MPHOSPH6: variants seen among roughly 807,000 people sequenced by gnomAD.
The protein encoded by MPHOSPH6 is M-phase phosphoprotein 6.
Under a neutral mutation model 21.8 loss-of-function variants are expected in MPHOSPH6, and 25 were observed. The ratio of observed to expected loss-of-function variants is 1.15; its 90% CI spans 0.83 to 1.60. The LOEUF is 1.60. Among genes scored for constraint, MPHOSPH6 ranks in the 40% most tolerant of loss-of-function variants. The pLI is 0.00. For missense variants in MPHOSPH6, 269 were observed against 181.8 expected (o/e 1.48, Z -2.76); for synonymous variants, 84 against 56.5 (o/e 1.49, Z -2.18).
intron 2 of MPHOSPH6, among the ~76,000 whole-genome samples, chr16:82,152,596 C>A (rs992861423): frequency 1.3e-5 from 2 of 152,150 alleles, no homozygotes; most frequent in African/African-American, 4.8e-5. Context: ...GCAGAAATAA[C>A]GGTCGCTAGG....
At chr16:82,153,809 G>A (rs1244087131) in intron 2 of MPHOSPH6, among the ~76,000 whole-genome samples, 3 of 152,138 alleles carry the variant, frequency 2.0e-5, no homozygotes, top group Admixed American at 2.0e-4. Context: ...CAAAATTGGT[G>A]GCTTAGAGCA....
chr16:82,153,042 G>A (rs1254738057), intron 2 of MPHOSPH6, among the ~76,000 whole-genome samples: 1 of 152,094 alleles, frequency 6.6e-6, no homozygotes, highest in African/African-American at 2.4e-5. Flanking sequence ...CAGGAGAACT[G>A]CTCGCATCCC....
chr16:82,162,273 G>C (rs774787287), intron 2 of MPHOSPH6: 1 of 152,250 alleles, frequency 6.6e-6, no homozygotes, highest in Non-Finnish European at 1.5e-5. Flanking sequence ...CCTGACTTCA[G>C]AGCCCATGTG....
At chr16:82,164,974 A>T (rs1328088747) in intron 1 of MPHOSPH6, 1 of 152,192 alleles carries the variant, frequency 6.6e-6, no homozygotes, top group Non-Finnish European at 1.5e-5. Flanking sequence ...TTAAGAGGCT[A>T]ACCACAGCAA....
At chr16:82,159,263 C>A (rs1007306331) in intron 2 of MPHOSPH6, among the ~76,000 whole-genome samples, 1 of 152,058 alleles carries the variant, frequency 6.6e-6, no homozygotes, top group South Asian at 2.1e-4. Flanking sequence ...CCACTCTTCT[C>A]GTTAAATTTT....
chr16:82,150,245 T>C (rs573073222), intron 3 of MPHOSPH6, among the ~76,000 whole-genome samples: 9 of 152,238 alleles, frequency 5.9e-5, no homozygotes, highest in African/African-American at 1.9e-4. Flanking sequence ...TCCTTTCCCA[T>C]TGCAGCAGAC....
chr16:82,155,378 G>T (rs779591936), intron 2 of MPHOSPH6, among the ~76,000 whole-genome samples: 3 of 151,706 alleles, frequency 2.0e-5, no homozygotes, highest in Non-Finnish European at 2.9e-5. Flanking sequence ...GTCTTTTTTT[G>T]CAGATGACAT....
intron 2 of MPHOSPH6, among the ~76,000 whole-genome samples, chr16:82,159,373 A>G (rs73591454): frequency 0.068 from 10,380 of 152,288 alleles, 656 homozygotes; most frequent in African/African-American, 0.16. Flanking sequence ...ATTAACAAAT[A>G]TAAATCACAC....
chr16:82,160,789 G>A (rs1229533664), intron 2 of MPHOSPH6, among the ~76,000 whole-genome samples: 1 of 152,040 alleles, frequency 6.6e-6, no homozygotes, highest in Non-Finnish European at 1.5e-5. Context: ...TGTTTCTGAT[G>A]GTGTTCAGGA....
chr16:82,150,213 T>C (rs1906220836), intron 3 of MPHOSPH6, among the ~76,000 whole-genome samples: 1 of 152,032 alleles, frequency 6.6e-6, no homozygotes, highest in Non-Finnish European at 1.5e-5. Flanking sequence ...CCCCCATCAA[T>C]TTCTGCGGGC....
At chr16:82,162,207 C>T (rs1036052605) in intron 2 of MPHOSPH6, 1 of 152,226 alleles carries the variant, frequency 6.6e-6, no homozygotes, top group African/African-American at 2.4e-5. Context: ...GGTTAAGTAA[C>T]TCACCCAAGG....
chr16:82,150,615 T>C (rs1194202531), intron 3 of MPHOSPH6, among the ~76,000 whole-genome samples: 2 of 152,240 alleles, frequency 1.3e-5, no homozygotes, highest in Non-Finnish European at 2.9e-5. Context: ...GAAACATTTT[T>C]GGTTGTCACA....
intron 1 of MPHOSPH6, among the ~76,000 whole-genome samples, chr16:82,165,471 GC>G (rs1906744098): frequency 6.6e-6 from 1 of 151,884 alleles, no homozygotes; most frequent in Non-Finnish European, 1.5e-5. Flanking sequence ...CCAAACATAA[GC>G]CTTTTTAGGC....
chr16:82,164,510 G>A (rs963078485), intron 1 of MPHOSPH6: 3 of 236,454 alleles, frequency 1.3e-5, no homozygotes, highest in African/African-American at 4.6e-5. Context: ...CTGATCTGGG[G>A]TTGAAATGCC....
chr16:82,151,479 C>A lies in MPHOSPH6; in HGVS notation c.200G>T (p.Cys67Phe). 1 of 1,605,102 alleles carries A rather than the reference C, an allele frequency of 6.2e-7. No individual in the cohort carries two copies. Among genetic ancestry groups the A allele is most frequent in the Non-Finnish European group, 8.5e-7 (1 of 1,176,312 alleles). The change falls in exon 3 of 5, where the codon TGT becomes TTT. Residue 67 changes from cysteine to phenylalanine, a missense_variant. Cys to Phe is a radical substitution (Grantham distance 205). Coordinates refer to ENST00000258169, the MANE Select transcript of MPHOSPH6 (RefSeq NM_005792.2). ...CATTCTTCCATAGAGAAGATCTTCA[C>A]ATAGTAAGAAACTCTGCTCTTCTAT... ...FIIEEQSFLL[C>F]EDLLYGRMSF...
chr16:82,162,518 A>T (rs1366165860), intron 2 of MPHOSPH6, among the ~76,000 whole-genome samples: 2 of 152,160 alleles, frequency 1.3e-5, no homozygotes, highest in Non-Finnish European at 2.9e-5. Flanking sequence ...GTACCCGTGA[A>T]TGGAGGTAGC....
rs575537884 is a variant in MPHOSPH6 at position 82,159,341 on chromosome 16, T to A, written c.164+4741A>T. 3.1e-3 allele frequency among the ~76,000 whole-genome samples: 466 copies of A among 152,350 alleles called. 2 individuals are homozygous for A. The highest frequency in any genetic ancestry group is 0.011 in the African/African-American group (444 of 41,582). On this transcript the variant is annotated intron_variant, in intron 2 of 4. Transcript: ENST00000258169. ...ATGAATTTGTTATTTAAATAATTTT[T>A]AAAATTTCTTACATAGTAAATATTA...
chr16:82,151,975 C>T (rs16956572), intron 2 of MPHOSPH6, among the ~76,000 whole-genome samples: 21,385 of 152,158 alleles, frequency 0.14, 2,207 homozygotes, highest in Admixed American at 0.34. Context: ...GTCTTTCGTT[C>T]TCAGGGATTT....
intron 1 of MPHOSPH6, chr16:82,164,802 CTCT>C (rs1416421496): frequency 2.0e-5 from 3 of 152,254 alleles, no homozygotes; most frequent in Non-Finnish European, 4.4e-5. Flanking sequence ...TATAAGTCTG[CTCT>C]TCGTTTTTAT....
Sources: allele counts gnomAD v4.1 joint callset (sites outside exome capture counted in the v4.1 genomes callset), GRCh38; gene constraint gnomAD v4.1.1; transcripts MANE v1.5; gene names NCBI Gene and HGNC (gene_info 2026-07-23, HGNC 2026-07-21).